Variants in NPIPB2 observed in about 807,000 individuals in gnomAD.
NPIPB2 encodes the protein nuclear pore complex-interacting protein family member B2.
Under a neutral mutation model 30.8 loss-of-function variants are expected in NPIPB2, and 27 were observed. The ratio of observed to expected loss-of-function variants is 0.88; its 90% CI spans 0.65 to 1.21. The LOEUF (loss-of-function observed/expected upper bound fraction) is 1.21. Among genes scored for constraint, NPIPB2 ranks in the 50% most tolerant of loss-of-function variants. The probability of loss-of-function intolerance (pLI) is 0.00; values close to 1 mark genes in which losing one functional copy is unlikely to be tolerated. For missense variants in NPIPB2, 440 were observed against 446.2 expected, an observed-to-expected ratio of 0.99 and a Z score of 0.13; for synonymous variants, 147 against 162.0, an observed-to-expected ratio of 0.91 and a Z score of 0.70.
chr16:11,975,141 CTTTTT>C (rs1195309022), intron 1 of NPIPB2, among the ~76,000 whole-genome samples: 124 of 37,514 alleles, frequency 3.3e-3, no homozygotes, highest in Non-Finnish European at 4.6e-3. Context: ...AATCCATCAC[CTTTTT>C]TTTTTTTTTT....
chr16:11,947,206 A>G (rs1056278106), intron 1 of NPIPB2, among the ~76,000 whole-genome samples: 2 of 147,782 alleles, frequency 1.4e-5, no homozygotes, highest in Non-Finnish European at 3.0e-5. Flanking sequence ...CTCCTGCCTC[A>G]GCCTCCCAAA....
chr16:11,953,739 G>A (rs1333806203), intron 1 of NPIPB2, among the ~76,000 whole-genome samples: 1 of 139,106 alleles, frequency 7.2e-6, no homozygotes, highest in Admixed American at 7.3e-5. Flanking sequence ...TTTTTGAGAC[G>A]GAGCCTTTCT....
chr16:11,944,622 G>C (rs1269060521), upstream of NPIPB2, among the ~76,000 whole-genome samples: 3 of 149,698 alleles, frequency 2.0e-5, no homozygotes, highest in Middle Eastern at 3.3e-3. Flanking sequence ...AATTAGCTGG[G>C]CGTGGTGGTG....
intron 1 of NPIPB2, among the ~76,000 whole-genome samples, chr16:11,959,758 A>G (rs1567476905): frequency 1.3e-5 from 2 of 152,156 alleles, no homozygotes; most frequent in African/African-American, 2.4e-5. Flanking sequence ...CTATTCAGAC[A>G]CTACCTATTT....
At chr16:11,946,908 T>C (rs2055016230), upstream of NPIPB2, among the ~76,000 whole-genome samples, 2 of 151,560 alleles carry the variant, frequency 1.3e-5, no homozygotes, top group Non-Finnish European at 1.5e-5. Flanking sequence ...TTAGTAGAGA[T>C]GGGGTTTCAT....
rs572510992 is a variant in NPIPB2, at chr16:11,966,149, T to C, written c.-584+10419A>G. ...AAATAATAACAATAAAGTATGTGAA[T>C]ATTATGTTATCAGCTCATTATCTGT... On this transcript the variant is annotated intron_variant, in intron 1 of 5. Transcript: ENST00000538896. The C allele has an allele frequency of 1.4e-5, 22 of 1,534,512 alleles. No individual in the cohort carries two copies. In the African/African-American group the frequency reaches 2.2e-4, roughly 15 times the overall value.
intron 1 of NPIPB2, among the ~76,000 whole-genome samples, chr16:11,976,145 TC>T (rs1322099149): frequency 6.6e-6 from 1 of 151,052 alleles, no homozygotes; most frequent in Non-Finnish European, 1.5e-5. Flanking sequence ...TCACTCACCC[TC>T]TCGAACTCCT....
Position 11,966,004 on chromosome 16 carries a change from G to A in NPIPB2, c.-584+10564C>T, listed in dbSNP as rs571754032. ...CACAGGTCTGTAATCCCAGCTACTC[G>A]GGAGGCTGAGGCAGGAGAATTGTTT... On this transcript the variant is annotated intron_variant, in intron 1 of 5. Coordinates refer to the NPIPB2 transcript ENST00000538896. 5.3e-5 allele frequency among the ~76,000 whole-genome samples: 8 copies of A among 152,224 alleles called. No homozygotes were observed. The South Asian group carries it at 8.3e-4, about 16-fold the overall frequency.
chr16:11,959,972 C>A (rs1158416640), intron 1 of NPIPB2, among the ~76,000 whole-genome samples: 1 of 152,048 alleles, frequency 6.6e-6, no homozygotes, highest in Non-Finnish European at 1.5e-5. Context: ...GATAGGGTTT[C>A]CCTGTGTTGC....
chr16:11,948,276 A>G (rs963925883), intron 1 of NPIPB2, among the ~76,000 whole-genome samples: 14 of 152,024 alleles, frequency 9.2e-5, no homozygotes, highest in Non-Finnish European at 1.8e-4. Context: ...AAGCACTCCT[A>G]ATGAACTGTG....
At chr16:11,952,319 G>A (rs1276311975) in intron 1 of NPIPB2, among the ~76,000 whole-genome samples, 1 of 151,834 alleles carries the variant, frequency 6.6e-6, no homozygotes, top group African/African-American at 2.4e-5. Context: ...CTGCACTCCA[G>A]CCTGGATGAT....
At chr16:11,952,410 G>T (rs572284599) in intron 1 of NPIPB2, among the ~76,000 whole-genome samples, 8 of 152,056 alleles carry the variant, frequency 5.3e-5, no homozygotes, top group Middle Eastern at 3.4e-3. Flanking sequence ...TATCTTAGCA[G>T]GTATGCCGTT....
chr16:11,961,852 A>G (rs1191617313), intron 1 of NPIPB2, among the ~76,000 whole-genome samples: 2 of 151,918 alleles, frequency 1.3e-5, no homozygotes, highest in Admixed American at 1.3e-4. Context: ...TACAAATAAA[A>G]TAGGTAGGGT....
Position 11,927,728 on chromosome 16 carries a change from G to A in NPIPB2, c.839C>T (p.Thr280Ile), listed in dbSNP as rs530343762. The stretch of plus-strand genomic sequence containing the variant: ...GGGAGTGAGCAGACACTCGGGAGGT[G>A]TCTTGAGGCTCAGGGAGTTATCAGT... Residue 280 changes from threonine (T) to isoleucine (I), a missense_variant, in exon 8 of 8, where the codon ACA becomes ATA. Around this residue, in one of 3 missense-constraint regions of NPIPB2, gnomAD observed 48 missense variants for 96.4 expected, o/e 0.50. Transcript: ENST00000399147. 124 of 1,599,770 alleles carry A rather than the reference G, an allele frequency of 7.8e-5. 1 individual carries two copies. In the South Asian group the frequency reaches 1.2e-3, roughly 15 times the overall value.
At chr16:11,932,503 A>T (rs1279442739) in intron 4 of NPIPB2, among the ~76,000 whole-genome samples, 1 of 151,894 alleles carries the variant, frequency 6.6e-6, no homozygotes, top group Non-Finnish European at 1.5e-5. Flanking sequence ...TTGGGCTGGG[A>T]ACGGTGGCTC....
chr16:11,934,744 A>C (rs1001132302), intron 2 of NPIPB2, among the ~76,000 whole-genome samples: 2 of 145,382 alleles, frequency 1.4e-5, no homozygotes, highest in African/African-American at 5.0e-5. Flanking sequence ...CTGTAGCCCC[A>C]GCTACTTGGG....
At chr16:11,942,622 G>A (rs1178494620), upstream of NPIPB2, among the ~76,000 whole-genome samples, 1 of 152,156 alleles carries the variant, frequency 6.6e-6, no homozygotes, top group East Asian at 1.9e-4. Flanking sequence ...TCTCAGGGAC[G>A]TCCAAGGAAT....
Position 11,951,412 on chromosome 16 carries a change from C to G in NPIPB2, c.-583-9298G>C, listed in dbSNP as rs527623168. 3.2e-5 allele frequency among the ~76,000 whole-genome samples: 4 copies of G among 123,454 alleles called. No homozygotes were observed. The South Asian group carries it at 9.9e-4, about 30-fold the overall frequency. The allele number at this position is 123,454 out of a possible 152,430, so 81.0% of individuals were successfully genotyped here. A position where few individuals can be genotyped will look rare whatever the true frequency, so the allele number is the denominator to read the frequency against. ...CTGGGAAGCGGAGCTTGCAGTGAGCCGAGATCATGCCACTGCACTCCAGCC... is the reference window on the plus strand; with the variant it reads ...CTGGGAAGCGGAGCTTGCAGTGAGCGGAGATCATGCCACTGCACTCCAGCC... On this transcript the variant is annotated intron_variant, in intron 1 of 5. Transcript: ENST00000538896.
chr16:11,971,976 C>G (rs1242843104), intron 1 of NPIPB2, among the ~76,000 whole-genome samples: 3 of 151,680 alleles, frequency 2.0e-5, no homozygotes, highest in African/African-American at 7.3e-5. Context: ...GAAACCCCAT[C>G]TCTACCAAAA....
Sources: allele counts gnomAD v4.1 joint callset (sites outside exome capture counted in the v4.1 genomes callset), GRCh38; gene constraint gnomAD v4.1.1; regional missense constraint gnomAD v4.1.1; transcripts MANE v1.5; gene names NCBI Gene and HGNC (gene_info 2026-07-23, HGNC 2026-07-21).